Variants in FAM124A observed in about 807,000 individuals in gnomAD.
The protein encoded by FAM124A is protein FAM124A.
In FAM124A, 23 loss-of-function variants were observed where a neutral mutation model predicts 24.5. That is an observed-to-expected ratio of 0.94 (90% confidence interval 0.68 to 1.33). The LOEUF (loss-of-function observed/expected upper bound fraction) is 1.33. Ranked by LOEUF, FAM124A falls within the 40% of genes most tolerant of loss-of-function variation. The pLI, the probability that FAM124A is intolerant of heterozygous loss-of-function variation, is 0.00. For synonymous variants in FAM124A, 287 were observed against 314.7 expected, an observed-to-expected ratio of 0.91 and a Z score of 0.93; for missense variants, 623 against 722.8, an observed-to-expected ratio of 0.86 and a Z score of 1.58.
At chr13:51,237,816 G>A (rs559171084) in intron 2 of FAM124A, among the ~76,000 whole-genome samples, 2 of 152,316 alleles carry the variant, frequency 1.3e-5, no homozygotes, top group South Asian at 4.1e-4. Flanking sequence ...TGTCCCTGTA[G>A]GTGTATGGTA....
At chr13:51,275,571 A>G (rs1448324496) in intron 3 of FAM124A, among the ~76,000 whole-genome samples, 1 of 152,218 alleles carries the variant, frequency 6.6e-6, no homozygotes, top group East Asian at 1.9e-4. Context: ...GTATGCATAA[A>G]AAGCAGGCAT....
intron 3 of FAM124A, among the ~76,000 whole-genome samples, chr13:51,267,115 G>C (rs927019355): frequency 6.6e-6 from 1 of 152,142 alleles, no homozygotes; most frequent in Non-Finnish European, 1.5e-5. Flanking sequence ...GGCTGATTCT[G>C]TTTCTCAAAT....
intron 3 of FAM124A, among the ~76,000 whole-genome samples, chr13:51,256,203 CT>C (rs1251824548): frequency 3.3e-5 from 5 of 152,190 alleles, no homozygotes; most frequent in Non-Finnish European, 5.9e-5. Context: ...GGACCCAAAG[CT>C]CAATTCCACA....
In FAM124A at chr13:51,246,400, GGGGT is replaced by G. The variant is rs374243684; in HGVS notation, c.101-5064_101-5061del. On this transcript the variant is annotated intron_variant, in intron 2 of 3. Coordinates refer to ENST00000322475, the MANE Select transcript of FAM124A (RefSeq NM_001242312.2). Reference sequence around the variant, plus strand: ...AGCTCCACAGAGGCATGTTTCTCGTGGGGTGGGGGGGGGTGTAACTCTAACACCT... The same window carrying G: ...AGCTCCACAGAGGCATGTTTCTCGTGGGGGGGGGGTGTAACTCTAACACCT... Among the ~76,000 whole-genome samples the G allele has an allele frequency of 9.9e-3, 1,058 of 107,118 alleles. 52 individuals carry two copies. Among genetic ancestry groups the G allele is most frequent in the African/African-American group, 0.031 (991 of 32,214 alleles). 70.3% of individuals were successfully genotyped at this position (107,118 alleles called of 152,430 possible).
At chr13:51,236,940 A>T (rs986822998) in intron 2 of FAM124A, among the ~76,000 whole-genome samples, 2 of 152,172 alleles carry the variant, frequency 1.3e-5, no homozygotes, top group African/African-American at 4.8e-5. Flanking sequence ...CAAAACTCAA[A>T]TCTGTTTATT....
chr13:51,245,288 C>T, intron 2 of FAM124A: 1 of 633,366 alleles, frequency 1.6e-6, no homozygotes, highest in African/African-American at 1.9e-5. Context: ...TGGCCGCCCC[C>T]CACTTTAATC....
In FAM124A at chr13:51,251,774, T is replaced by G; in HGVS notation, c.407T>G (p.Val136Gly). ...PPWRHHHTEQ[V>G]HGRFLPYLPC... Reference sequence around the variant, plus strand: ...TGGCGCCACCACCACACCGAGCAGGTGCACGGCCGGTTCCTGCCCTACCTG... The same window carrying G: ...TGGCGCCACCACCACACCGAGCAGGGGCACGGCCGGTTCCTGCCCTACCTG... Residue 136 changes from valine (V) to glycine (G), a missense_variant, in exon 3 of 4, where the codon GTG becomes GGG. Transcript: ENST00000322475. This position sits in a 1 kb window ranked among gnomAD's most constrained non-coding sequence, Gnocchi z 5.3. 2 of 1,587,402 alleles carry G rather than the reference T, an allele frequency of 1.3e-6. No homozygotes were observed. Among genetic ancestry groups the G allele is most frequent in the Non-Finnish European group, 1.7e-6 (2 of 1,167,754 alleles).
intron 2 of FAM124A, among the ~76,000 whole-genome samples, chr13:51,240,013 GC>G (rs1329012134): frequency 6.6e-6 from 1 of 152,166 alleles, no homozygotes; most frequent in African/African-American, 2.4e-5. Flanking sequence ...AACAGCCACA[GC>G]AAAGCCATTG....
chr13:51,234,959 C>T (rs189649605), intron 2 of FAM124A, among the ~76,000 whole-genome samples: 6 of 152,230 alleles, frequency 3.9e-5, no homozygotes, highest in Admixed American at 1.3e-4. Flanking sequence ...GACTGCTGGG[C>T]ATCGTCCTCT....
At position 51,283,336 on chromosome 13, in the gene FAM124A, C is replaced by T. The variant is rs2137721115; in HGVS notation, c.*2080C>T. ...GATTACAGGCATGAGCCACCATTCC[C>T]AGCCAATAAAACTTTATTTACAAGA... On this transcript the variant is annotated 3_prime_UTR_variant, in exon 4 of 4. Transcript: ENST00000322475. The T allele has an allele frequency of 6.6e-6, 1 of 152,302 alleles. No individual in the cohort carries two copies. The highest frequency in any genetic ancestry group is 2.1e-4 in the South Asian group (1 of 4,820). 9.4% of individuals were successfully genotyped at this position (152,302 alleles called of 1,614,324 possible).
chr13:51,266,313 CTT>C (rs936175031), intron 3 of FAM124A, among the ~76,000 whole-genome samples: 22 of 152,270 alleles, frequency 1.4e-4, no homozygotes, highest in African/African-American at 3.9e-4. Context: ...AAGTTGTACT[CTT>C]TTCCTTTTTT....
At chr13:51,268,162 C>G (rs1016428150) in intron 3 of FAM124A, among the ~76,000 whole-genome samples, 4 of 152,216 alleles carry the variant, frequency 2.6e-5, no homozygotes, top group Non-Finnish European at 5.9e-5. Flanking sequence ...GTGGACATCT[C>G]CCCAGTTCAT....
chr13:51,251,779 G>T lies in FAM124A; in HGVS notation c.412G>T (p.Gly138Cys). 6.3e-7 allele frequency: 1 copy of T among 1,588,434 alleles called. No individual in the cohort carries two copies. Among genetic ancestry groups the T allele is most frequent in the East Asian group, 2.3e-5 (1 of 43,384 alleles). Residue 138 changes from glycine to cysteine, a missense_variant, in exon 3 of 4, where the codon GGC (glycine) becomes TGC (cysteine). Coordinates refer to ENST00000322475, the MANE Select transcript of FAM124A (RefSeq NM_001242312.2). This position sits in a 1 kb window ranked among gnomAD's most constrained non-coding sequence, Gnocchi z 5.3. ...WRHHHTEQVH[G>C]RFLPYLPCSQ... ...CCACCACCACACCGAGCAGGTGCACGGCCGGTTCCTGCCCTACCTGCCCTG... is the reference window on the plus strand; with the variant it reads ...CCACCACCACACCGAGCAGGTGCACTGCCGGTTCCTGCCCTACCTGCCCTG...
At chr13:51,256,448 C>T (rs567646151) in intron 3 of FAM124A, among the ~76,000 whole-genome samples, 16 of 152,236 alleles carry the variant, frequency 1.1e-4, no homozygotes, top group Admixed American at 2.0e-4. Context: ...GAATTATTAC[C>T]AGTTGAAATG....
intron 2 of FAM124A, among the ~76,000 whole-genome samples, chr13:51,238,461 A>G (rs976792818): frequency 2.6e-4 from 40 of 152,372 alleles, no homozygotes; most frequent in African/African-American, 8.4e-4. Flanking sequence ...TCTAATTTTT[A>G]AAACCTATAG....
chr13:51,234,197 C>T (rs753333110), intron 2 of FAM124A, among the ~76,000 whole-genome samples: 1 of 152,230 alleles, frequency 6.6e-6, no homozygotes, highest in Non-Finnish European at 1.5e-5. Context: ...TCAACATTCA[C>T]GTGATGCTCC....
chr13:51,267,786 A>G (rs1566173346), intron 3 of FAM124A, among the ~76,000 whole-genome samples: 1 of 152,150 alleles, frequency 6.6e-6, no homozygotes, highest in African/African-American at 2.4e-5. Context: ...ATTGTGGCCA[A>G]CTGAAGTGTT....
chr13:51,246,614 C>T (rs867895951), intron 2 of FAM124A, among the ~76,000 whole-genome samples: 5 of 152,086 alleles, frequency 3.3e-5, no homozygotes, highest in African/African-American at 9.7e-5. Context: ...CTCTGGGGGT[C>T]GGGTCTTCGT....
intron 2 of FAM124A, among the ~76,000 whole-genome samples, chr13:51,233,506 C>G (rs1025151783): frequency 6.8e-6 from 1 of 146,654 alleles, no homozygotes; most frequent in African/African-American, 2.5e-5. Context: ...TTGTCACATG[C>G]TATGGTTCCA....
Sources: allele counts gnomAD v4.1 joint callset (sites outside exome capture counted in the v4.1 genomes callset), GRCh38; gene constraint gnomAD v4.1.1; non-coding constraint Gnocchi (gnomAD v3.1); transcripts MANE v1.5; gene names NCBI Gene and HGNC (gene_info 2026-07-23, HGNC 2026-07-21).